KCNQ5: variants seen among roughly 807,000 people sequenced by gnomAD.
KCNQ5 encodes the protein potassium voltage-gated channel subfamily Q member 5, also known as potassium voltage-gated channel subfamily KQT member 5.
KCNQ5 carries 30 observed loss-of-function variants against 98.2 expected under a neutral mutation model. The ratio of observed to expected loss-of-function variants is 0.31; its 90% confidence interval spans 0.23 to 0.41. KCNQ5 has a LOEUF of 0.41. Among genes scored for constraint, KCNQ5 ranks in the 10% least tolerant of loss-of-function variants. The pLI, the probability that KCNQ5 is intolerant of heterozygous loss-of-function variation, is 1.00. For missense variants in KCNQ5, 835 were observed against 1,182.5 expected (o/e 0.71, Z 4.31); for synonymous variants, 458 against 449.4 (o/e 1.02, Z -0.24).
At chr6:73,154,118 T>C (rs1385619702) in intron 10 of KCNQ5, among the ~76,000 whole-genome samples, 1 of 152,150 alleles carries the variant, frequency 6.6e-6, no homozygotes, top group Non-Finnish European at 1.5e-5. Context: ...TTTTTTCAAA[T>C]ATTGTATCAT....
At chr6:73,161,588 A>G (rs1045708740) in intron 10 of KCNQ5, among the ~76,000 whole-genome samples, 4 of 152,236 alleles carry the variant, frequency 2.6e-5, no homozygotes, top group African/African-American at 9.6e-5. Context: ...TACTCCAAAA[A>G]AATGTACATC....
intron 1 of KCNQ5, among the ~76,000 whole-genome samples, chr6:72,707,121 C>T (rs557338208): frequency 1.4e-4 from 21 of 152,222 alleles, no homozygotes; most frequent in Non-Finnish European, 2.8e-4. Flanking sequence ...TGACAATTAG[C>T]TACTTCATAA....
intron 1 of KCNQ5, among the ~76,000 whole-genome samples, chr6:72,900,855 AGGTGGTATCACAT>A (rs1779473591): frequency 1.3e-5 from 2 of 152,106 alleles, no homozygotes; most frequent in South Asian, 4.1e-4. Context: ...TGCAGGAATA[AGGTGGTATCACAT>A]GGTGGTTTTG....
In KCNQ5 at chr6:73,194,961, C is replaced by T; in HGVS notation, c.2346C>T (p.Thr782=). ...GLQESISDVT[T]CLVASKENVQ... The stretch of plus-strand genomic sequence containing the variant: ...AGGAAAGCATTTCTGACGTCACCAC[C>T]TGCCTTGTTGCCTCCAAGGAAAATG... Residue 782 remains threonine (T), a synonymous_variant, in exon 14 of 14, where the codon ACC becomes ACT. Transcript: ENST00000370398. 3 of 1,614,216 alleles carry T rather than the reference C, an allele frequency of 1.9e-6. No individual in the cohort carries two copies. Among genetic ancestry groups the T allele is most frequent in the Non-Finnish European group, 2.5e-6 (3 of 1,180,044 alleles).
chr6:72,852,646 T>TATATATATATATAC lies in KCNQ5; in HGVS notation c.399-151249_399-151248insCATATATATATATA, dbSNP rs1165943334. Among the ~76,000 whole-genome samples, 18 of 124,272 alleles carry TATATATATATATAC rather than the reference T, an allele frequency of 1.4e-4. 4 individuals are homozygous for TATATATATATATAC. The highest frequency in any genetic ancestry group is 2.9e-4 in the Non-Finnish European group (17 of 59,120). The allele number at this position is 124,272 out of a possible 152,430, so 81.5% of individuals were successfully genotyped here. A position where few individuals can be genotyped will look rare whatever the true frequency, so the allele number is the denominator to read the frequency against. ...GAGAAGGAGATGAAGGGGAAATATA[T>TATATATATATATAC]ATATATATATATATAAATGGCACTT... On this transcript the variant is annotated intron_variant, in intron 1 of 13. Transcript: ENST00000370398.
chr6:72,702,286 A>G (rs1283522414), intron 1 of KCNQ5, among the ~76,000 whole-genome samples: 1 of 152,204 alleles, frequency 6.6e-6, no homozygotes, highest in Non-Finnish European at 1.5e-5. Context: ...TAAAATACTA[A>G]CATTTGTGTA....
intron 9 of KCNQ5, among the ~76,000 whole-genome samples, chr6:73,127,697 C>A (rs1041539306): frequency 6.6e-6 from 1 of 152,166 alleles, no homozygotes; most frequent in Non-Finnish European, 1.5e-5. Context: ...TATGTTTAAA[C>A]AAAATTTGCC....
intron 3 of KCNQ5, among the ~76,000 whole-genome samples, chr6:73,074,864 C>T (rs1045247535): frequency 2.6e-5 from 4 of 151,260 alleles, no homozygotes; most frequent in African/African-American, 7.3e-5. Context: ...CTAGTATTTC[C>T]AATATTTTAG....
intron 1 of KCNQ5, among the ~76,000 whole-genome samples, chr6:72,833,836 A>T (rs1234195052): frequency 6.6e-6 from 1 of 152,158 alleles, no homozygotes; most frequent in East Asian, 1.9e-4. Context: ...ACATATTTAT[A>T]TGATGGAATA....
intron 1 of KCNQ5, among the ~76,000 whole-genome samples, chr6:72,792,502 T>C (rs1774105191): frequency 6.6e-6 from 1 of 152,222 alleles, no homozygotes; most frequent in Non-Finnish European, 1.5e-5. Context: ...AATGACTATA[T>C]TCTGGTAATC....
At chr6:72,767,056 C>A (rs1413926277) in intron 1 of KCNQ5, among the ~76,000 whole-genome samples, 1 of 151,888 alleles carries the variant, frequency 6.6e-6, no homozygotes, top group Non-Finnish European at 1.5e-5. Context: ...AAGGAACAAT[C>A]ATAGCTAAAT....
rs1179992552 is a variant in KCNQ5, at chr6:73,092,941, G to A, written c.919-12316G>A. 4.0e-5 allele frequency among the ~76,000 whole-genome samples: 6 copies of A among 151,838 alleles called. No homozygotes were observed. In the East Asian group the frequency reaches 9.7e-4, roughly 24 times the overall value. ...CTGGCTTCATAGAATGAATTGGGGA[G>A]GGTTCCTTCTTTATCTTGTGGAATA... On this transcript the variant is annotated intron_variant, in intron 5 of 13. Transcript: ENST00000370398.
intron 10 of KCNQ5, among the ~76,000 whole-genome samples, chr6:73,141,658 G>C (rs2150469223): frequency 6.6e-6 from 1 of 152,292 alleles, no homozygotes; most frequent in Non-Finnish European, 1.5e-5. Flanking sequence ...AGCAGAAACT[G>C]AGCTGCCAAA....
intron 5 of KCNQ5, among the ~76,000 whole-genome samples, chr6:73,102,402 G>A (rs11965567): frequency 0.22 from 33,753 of 152,010 alleles, 8,559 homozygotes; most frequent in African/African-American, 0.61. Flanking sequence ...ATCACATCAC[G>A]TGAAAAAGCT....
At chr6:72,848,016 T>TAA (rs60827908) in intron 1 of KCNQ5, among the ~76,000 whole-genome samples, 2,087 of 145,810 alleles carry the variant, frequency 0.014, 42 homozygotes, top group African/African-American at 0.039. Flanking sequence ...CCAGAAAAGC[T>TAA]AAAAAAAAAA....
In KCNQ5 at chr6:72,658,303, C is replaced by T. The variant is rs539686351; in HGVS notation, c.398+35716C>T. ...TTATTTTTTATTTATTTTTTTGAGA[C>T]GGGGTCTTGCTCTGTCACCCAGGCT... On this transcript the variant is annotated intron_variant, in intron 1 of 13. Coordinates refer to ENST00000370398, the MANE Select transcript of KCNQ5 (RefSeq NM_019842.4). Among the ~76,000 whole-genome samples, 410 of 151,426 alleles carry T rather than the reference C, an allele frequency of 2.7e-3. 1 individual carries two copies. Among genetic ancestry groups the T allele is most frequent in the African/African-American group, 9.0e-3 (370 of 41,328 alleles).
chr6:72,887,166 A>T (rs558442080), intron 1 of KCNQ5, among the ~76,000 whole-genome samples: 1 of 152,332 alleles, frequency 6.6e-6, no homozygotes, highest in Admixed American at 6.5e-5. Flanking sequence ...TATGCTGCAG[A>T]TAAAGACATA....
intron 1 of KCNQ5, among the ~76,000 whole-genome samples, chr6:72,746,064 C>CAAAAAAAAAAAAAAAAAAAAAAAA (rs59726566): frequency 3.7e-5 from 3 of 80,146 alleles, no homozygotes; most frequent in African/African-American, 1.0e-4. Context: ...ACTCTATTTG[C>CAAAAAAAAAAAAAAAAAAAAAAAA]AAAAAAAAAA....
chr6:72,854,853 A>G (rs755567905), intron 1 of KCNQ5, among the ~76,000 whole-genome samples: 5 of 151,068 alleles, frequency 3.3e-5, no homozygotes, highest in African/African-American at 4.9e-5. Flanking sequence ...ATGAGTTCAC[A>G]ATTTTCCAAT....
Sources: allele counts gnomAD v4.1 joint callset (sites outside exome capture counted in the v4.1 genomes callset), GRCh38; gene constraint gnomAD v4.1.1; transcripts MANE v1.5; gene names NCBI Gene and HGNC (gene_info 2026-07-23, HGNC 2026-07-21).